The following ZMYM2 variants were observed in gnomAD, a reference collection of about 807,000 sequenced individuals.
ZMYM2 encodes zinc finger MYM-type containing 2.
Under a neutral mutation model 162.8 loss-of-function variants are expected in ZMYM2, and 56 were observed. That is an observed-to-expected ratio of 0.34 (90% confidence interval 0.28 to 0.43). The LOEUF is 0.43. Ranked by LOEUF, ZMYM2 falls within the 20% of genes least tolerant of loss-of-function variation. The probability of loss-of-function intolerance (pLI) is 1.00; values close to 1 mark genes in which losing one functional copy is unlikely to be tolerated. For missense variants in ZMYM2, 1,275 were observed against 1,621.8 expected (o/e 0.79, Z 3.67); for synonymous variants, 510 against 541.6 (o/e 0.94, Z 0.81).
At chr13:19,971,086 A>G (rs1460099964) in intron 2 of ZMYM2, among the ~76,000 whole-genome samples, 1 of 151,720 alleles carries the variant, frequency 6.6e-6, no homozygotes, top group Admixed American at 6.6e-5. Flanking sequence ...CTGAAAGTGA[A>G]CCTAGATTGT....
chr13:19,952,382 G>A, the ZMYM2 span, among the ~76,000 whole-genome samples: 12 of 152,194 alleles, frequency 7.9e-5, no homozygotes, highest in Admixed American at 2.0e-4. Context: ...GAAAATAGCC[G>A]AGAGTAGATT....
Position 19,962,743 on chromosome 13 carries a change from C to T in ZMYM2, c.-11+2717C>T, listed in dbSNP as rs192550924. Among the ~76,000 whole-genome samples the T allele has an allele frequency of 2.8e-3, 424 of 151,032 alleles. 17 individuals carry two copies. The highest frequency in any genetic ancestry group is 0.026 in the Admixed American group (397 of 15,130). On this transcript the variant is annotated intron_variant, in intron 2 of 24. Coordinates refer to ENST00000610343, the MANE Select transcript of ZMYM2 (RefSeq NM_197968.4). ...TTCACCATGTTGGTCAGGCTGATCT[C>T]GAACTCCTGGCCTCAAGTTATTCGC... is the stretch of plus-strand genomic sequence containing the variant.
intron 2 of ZMYM2, among the ~76,000 whole-genome samples, chr13:19,991,624 C>CTTTTTTTTTTTTTTTTTTTCTT: frequency 7.6e-6 from 1 of 131,376 alleles, no homozygotes; most frequent in Non-Finnish European, 1.6e-5. Flanking sequence ...TTTTCTTTTT[C>CTTTTTTTTTTTTTTTTTTTCTT]TTTTTTTTTT....
chr13:19,918,175 T>C, the ZMYM2 span, among the ~76,000 whole-genome samples: 1 of 152,226 alleles, frequency 6.6e-6, no homozygotes, highest in Non-Finnish European at 1.5e-5. Flanking sequence ...CCGCATGTAG[T>C]GGCTCACGCC....
chr13:19,885,875 A>ATATACACATATATATGTG, the ZMYM2 span, among the ~76,000 whole-genome samples: 2 of 32,132 alleles, frequency 6.2e-5, no homozygotes, highest in African/African-American at 1.2e-4. Context: ...ATATATATGT[A>ATATACACATATATATGTG]TATACACATA....
chr13:19,884,159 TGA>T, the ZMYM2 span, among the ~76,000 whole-genome samples: 1 of 152,058 alleles, frequency 6.6e-6, no homozygotes, highest in African/African-American at 2.4e-5. Context: ...CTTGAGCTTA[TGA>T]GTTTTACAAC....
the ZMYM2 span, among the ~76,000 whole-genome samples, chr13:19,901,069 G>C: frequency 1.8e-4 from 27 of 152,232 alleles, no homozygotes; most frequent in Non-Finnish European, 3.7e-4. Flanking sequence ...TTCATACAGA[G>C]AGACAGAAAG....
the ZMYM2 span, among the ~76,000 whole-genome samples, chr13:19,899,698 T>C: frequency 1.3e-5 from 2 of 150,268 alleles, no homozygotes; most frequent in Non-Finnish European, 2.9e-5. Flanking sequence ...GCACCTGTAA[T>C]CCCAGCTACT....
the ZMYM2 span, among the ~76,000 whole-genome samples, chr13:19,920,296 C>T: frequency 3.3e-5 from 5 of 151,974 alleles, no homozygotes; most frequent in African/African-American, 7.2e-5. Flanking sequence ...TTTTTTTAAA[C>T]AGCCTCTCTA....
Position 20,019,802 on chromosome 13 carries a change from A to G in ZMYM2, c.1584+184A>G, listed in dbSNP as rs192386730. The G allele has an allele frequency of 5.1e-3, 3,060 of 596,554 alleles. 80 individuals carry two copies. The highest frequency in any genetic ancestry group is 0.046 in the South Asian group (2,041 of 44,580). 37.0% of individuals were successfully genotyped at this position (596,554 alleles called of 1,614,324 possible). A position where few individuals can be genotyped will look rare whatever the true frequency, so the allele number is the denominator to read the frequency against. ...AGATTTCTAATTTCACTAATTTTAC[A>G]TGTATTTTCTTGTGATATGCTCATT... On this transcript the variant is annotated intron_variant, in intron 7 of 24. Transcript: ENST00000610343.
intron 1 of ZMYM2, among the ~76,000 whole-genome samples, chr13:19,959,208 T>A (rs1593999811): frequency 7.6e-6 from 1 of 132,248 alleles, no homozygotes; most frequent in Non-Finnish European, 1.6e-5. Context: ...GGGGCGGGGG[T>A]GCCGGCCGCC....
chr13:19,965,365 ATCAT>A (rs1471282902), intron 2 of ZMYM2: 1 of 710,056 alleles, frequency 1.4e-6, no homozygotes, highest in Non-Finnish European at 2.1e-6. Flanking sequence ...CAGTTTTATA[ATCAT>A]TCATTTCAAA....
chr13:20,043,693 G>T (rs1483303605), intron 12 of ZMYM2, among the ~76,000 whole-genome samples: 1 of 152,114 alleles, frequency 6.6e-6, no homozygotes, highest in East Asian at 1.9e-4. Context: ...CAGTGTCGTT[G>T]GTGGGGCAAG....
chr13:20,082,476 T>C (rs1449486663), intron 22 of ZMYM2, among the ~76,000 whole-genome samples: 1 of 152,202 alleles, frequency 6.6e-6, no homozygotes, highest in Non-Finnish European at 1.5e-5. Context: ...ATCAATTTTT[T>C]TCAGGAATTT....
intron 7 of ZMYM2, among the ~76,000 whole-genome samples, chr13:20,021,165 C>T (rs1229239235): frequency 3.3e-5 from 5 of 151,864 alleles, no homozygotes; most frequent in East Asian, 1.9e-4. Context: ...TTAGTAGAGG[C>T]GGGGTTTCAC....
intron 6 of ZMYM2, among the ~76,000 whole-genome samples, chr13:20,017,460 G>A (rs1160664408): frequency 1.3e-5 from 2 of 152,048 alleles, no homozygotes; most frequent in African/African-American, 4.8e-5. Context: ...GTGTTTCTTT[G>A]GGTTTTATCC....
intron 3 of ZMYM2, among the ~76,000 whole-genome samples, chr13:19,999,070 A>G (rs545776393): frequency 6.6e-6 from 1 of 152,336 alleles, no homozygotes; most frequent in Non-Finnish European, 1.5e-5. Flanking sequence ...TCTACTAAAC[A>G]CTAAAGAAGC....
intron 2 of ZMYM2, among the ~76,000 whole-genome samples, chr13:19,987,095 G>A (rs1362801257): frequency 1.9e-5 from 2 of 106,700 alleles, no homozygotes; most frequent in African/African-American, 7.2e-5. Context: ...CTGGGCAAGA[G>A]AGCAAGGCTC....
At chr13:19,868,338 GATAGTC>G in the ZMYM2 span, among the ~76,000 whole-genome samples, 1 of 152,142 alleles carries the variant, frequency 6.6e-6, no homozygotes, top group African/African-American at 2.4e-5. Context: ...GTATTCTATT[GATAGTC>G]ATAGTGTTTC....
Sources: gnomAD v4.1 joint callset for allele counts (sites outside exome capture counted in the v4.1 genomes callset) on GRCh38, gnomAD v4.1.1 for gene constraint, MANE v1.5 for transcripts, NCBI Gene and HGNC (gene_info 2026-07-23, HGNC 2026-07-21) for gene names.